Variants in TGM2 observed in about 807,000 individuals in gnomAD.
TGM2 encodes transglutaminase 2.
TGM2 carries 53 observed loss-of-function variants against 75.6 expected under a neutral mutation model. That is an observed-to-expected ratio of 0.70 (90% CI 0.56 to 0.88). The LOEUF (loss-of-function observed/expected upper bound fraction) is 0.88. Ranked by LOEUF, TGM2 falls within the 40% of genes least tolerant of loss-of-function variation. The pLI is 0.00. For synonymous variants in TGM2, 374 were observed against 381.1 expected, an observed-to-expected ratio of 0.98 and a Z score of 0.22; for missense variants, 842 against 928.5, an observed-to-expected ratio of 0.91 and a Z score of 1.21.
At chr20:38,146,385 G>T (rs911231345) in intron 6 of TGM2, 4 of 421,056 alleles carry the variant, frequency 9.5e-6, no homozygotes, top group South Asian at 6.4e-5. Flanking sequence ...GAAGTCATTT[G>T]CTCAAGGTCA....
In TGM2 at chr20:38,129,966, C is replaced by T. The variant is rs1055472064; in HGVS notation, c.*253G>A. ...TAGGTCTTTCCTCTCTCACCCCAGCCCCAGTCAGCCAAGGTCAGGGCTCCC... is the reference window on the plus strand; with the variant it reads ...TAGGTCTTTCCTCTCTCACCCCAGCTCCAGTCAGCCAAGGTCAGGGCTCCC... On this transcript the variant is annotated 3_prime_UTR_variant, in exon 13 of 13. Coordinates refer to ENST00000361475, the MANE Select transcript of TGM2 (RefSeq NM_004613.4). 72 of 561,300 alleles carry T rather than the reference C, an allele frequency of 1.3e-4. No homozygotes were observed. The highest frequency in any genetic ancestry group is 2.1e-4 in the Admixed American group (7 of 32,678). 34.8% of individuals were successfully genotyped at this position (561,300 alleles called of 1,614,324 possible). A position where few individuals can be genotyped will look rare whatever the true frequency, so the allele number is the denominator to read the frequency against.
intron 12 of TGM2, 101 bp from the exon 13 acceptor site, chr20:38,130,470 GC>G: frequency 7.6e-7 from 1 of 1,315,426 alleles, no homozygotes. Context: ...GATCAGCACA[GC>G]GTGTCCATGA....
upstream of TGM2, chr20:38,165,452 C>A: frequency 1.7e-6 from 1 of 573,544 alleles, no homozygotes; most frequent in Non-Finnish European, 3.0e-6. Context: ...ACGAGGGCGC[C>A]CCCTGGGGGA....
chr20:38,152,789 C>T (rs908204217), intron 3 of TGM2, among the ~76,000 whole-genome samples: 6 of 152,260 alleles, frequency 3.9e-5, no homozygotes, highest in Admixed American at 1.3e-4. Flanking sequence ...CCACAGTTCC[C>T]GCCCCGGGAT....
At chr20:38,159,925 T>A (rs543239577) in intron 2 of TGM2, among the ~76,000 whole-genome samples, 1 of 152,352 alleles carries the variant, frequency 6.6e-6, no homozygotes, top group African/African-American at 2.4e-5. Context: ...ACCCAGCCCT[T>A]AACTGCCATG....
At position 38,141,278 on chromosome 20, in the gene TGM2, G is replaced by A. The variant is rs374231357; in HGVS notation, c.1099+4C>T. Reference sequence around the variant, plus strand: ...GTTTGACGCGACAGTGCCCGCCCACGCACCTTCGCTCTTCTCCTGGGGCGT... The same window carrying A: ...GTTTGACGCGACAGTGCCCGCCCACACACCTTCGCTCTTCTCCTGGGGCGT... On this transcript the variant is annotated splice_donor_region_variant and intron_variant, in intron 8 of 12. Coordinates refer to ENST00000361475, the MANE Select transcript of TGM2 (RefSeq NM_004613.4). 2.4e-5 allele frequency: 38 copies of A among 1,564,602 alleles called. No homozygotes were observed. Among genetic ancestry groups the A allele is most frequent in the South Asian group, 4.7e-5 (4 of 84,990 alleles).
chr20:38,131,587 T>C (rs1408953948), intron 11 of TGM2, among the ~76,000 whole-genome samples: 1 of 152,130 alleles, frequency 6.6e-6, no homozygotes, highest in Non-Finnish European at 1.5e-5. Flanking sequence ...TCTGTACACC[T>C]TGGATTCTTC....
chr20:38,148,204 GAC>G, intron 4 of TGM2, 115 bp from the exon 5 acceptor site: 1 of 1,400,032 alleles, frequency 7.1e-7, no homozygotes, highest in South Asian at 1.2e-5. Flanking sequence ...AGCAGACTGG[GAC>G]ACTCCGGCCG....
At chr20:38,132,312 C>A (rs1457542913) in intron 11 of TGM2, 28 bp downstream of exon 11, 1 of 1,613,650 alleles carries the variant, frequency 6.2e-7, no homozygotes, top group Non-Finnish European at 8.5e-7. Flanking sequence ...TGCCCTGGGA[C>A]CCTGCCCCTT....
At position 38,148,064 on chromosome 20, in the gene TGM2, C is replaced by G; in HGVS notation, c.578G>C (p.Cys193Ser). The G allele has an allele frequency of 6.2e-7, 1 of 1,614,162 alleles. No homozygotes were observed. Among genetic ancestry groups the G allele is most frequent in the Non-Finnish European group, 8.5e-7 (1 of 1,180,040 alleles). ...GQFEDGILDI[C>S]LILLDVNPKF... Reference sequence around the variant, plus strand: ...GGGGTTGACATCTAGAAGGATCAGGCAGATGTCTAGGATCCCATCTTCAAA... The same window carrying G: ...GGGGTTGACATCTAGAAGGATCAGGGAGATGTCTAGGATCCCATCTTCAAA... The change falls in exon 5 of 13, where the codon TGC becomes TCC. Residue 193 changes from cysteine (C) to serine (S), a missense_variant. Coordinates refer to ENST00000361475, the MANE Select transcript of TGM2 (RefSeq NM_004613.4).
At chr20:38,136,502 AC>A (rs1261897889) in intron 10 of TGM2, among the ~76,000 whole-genome samples, 3 of 151,730 alleles carry the variant, frequency 2.0e-5, no homozygotes, top group Admixed American at 6.6e-5. Flanking sequence ...ACACTCTCTT[AC>A]CCCCGATGGT....
chr20:38,149,545 G>A (rs1243659250), intron 4 of TGM2, among the ~76,000 whole-genome samples: 1 of 152,000 alleles, frequency 6.6e-6, no homozygotes, highest in Admixed American at 6.6e-5. Flanking sequence ...CGGGTGTGGT[G>A]GTGGGCGTCT....
chr20:38,136,087 G>A lies in TGM2; in HGVS notation c.1615+2026C>T, dbSNP rs1038401094. On this transcript the variant is annotated intron_variant, in intron 10 of 12. Transcript: ENST00000361475. ...AGCTTCAGTGTTGGGCCCTGTCCTG[G>A]TACCAAGAGGATCTGCCCTCTGAGG... is the stretch of plus-strand genomic sequence containing the variant. 2.6e-5 allele frequency among the ~76,000 whole-genome samples: 4 copies of A among 152,188 alleles called. No homozygotes were observed. The South Asian group carries it at 8.3e-4, about 31-fold the overall frequency.
At chr20:38,164,391 T>C (rs1360653690) in intron 1 of TGM2, among the ~76,000 whole-genome samples, 2 of 152,164 alleles carry the variant, frequency 1.3e-5, no homozygotes, top group Non-Finnish European at 2.9e-5. Flanking sequence ...TCCTCCATTG[T>C]AGAAATCCCT....
upstream of TGM2, among the ~76,000 whole-genome samples, chr20:38,167,445 T>A (rs1443098517): frequency 6.6e-6 from 1 of 152,168 alleles, no homozygotes; most frequent in East Asian, 1.9e-4. Context: ...CAAGCGATCC[T>A]CCTGCCTCAG....
At chr20:38,132,837 T>C (rs374781696) in intron 10 of TGM2, 1 of 470,228 alleles carries the variant, frequency 2.1e-6, no homozygotes, top group South Asian at 1.5e-5. Flanking sequence ...CTCCTAAGGC[T>C]GTGGGAGGAT....
intron 4 of TGM2, among the ~76,000 whole-genome samples, chr20:38,149,307 T>C (rs2075085235): frequency 6.6e-6 from 1 of 152,130 alleles, no homozygotes; most frequent in Admixed American, 6.5e-5. Context: ...CTAGGTCTCA[T>C]CTTCCTGGAC....
intron 6 of TGM2, among the ~76,000 whole-genome samples, chr20:38,142,926 C>T (rs1447862999): frequency 6.6e-6 from 1 of 152,252 alleles, no homozygotes; most frequent in Non-Finnish European, 1.5e-5. Flanking sequence ...GCAATTCCCT[C>T]TGCCTGGAAG....
At chr20:38,156,618 C>T (rs557813549) in intron 2 of TGM2, among the ~76,000 whole-genome samples, 11 of 152,368 alleles carry the variant, frequency 7.2e-5, no homozygotes, top group Admixed American at 2.0e-4. Context: ...TGTAGGCCAG[C>T]GGAGGATGCT....
Sources: gnomAD v4.1 joint callset for allele counts (sites outside exome capture counted in the v4.1 genomes callset) on GRCh38, gnomAD v4.1.1 for gene constraint, MANE v1.5 for transcripts, NCBI Gene and HGNC (gene_info 2026-07-23, HGNC 2026-07-21) for gene names.